Variants in CFH observed in about 807,000 individuals in gnomAD.
CFH encodes the protein complement factor H, also known as H factor 1 (complement).
Under a neutral mutation model 147.3 loss-of-function variants are expected in CFH, and 53 were observed. The observed-to-expected ratio is 0.36, with a 90% CI of 0.29 to 0.45. The LOEUF is 0.45. Among genes scored for constraint, CFH ranks in the 20% least tolerant of loss-of-function variants. CFH has a pLI of 1.00. For missense variants in CFH, 1,380 were observed against 1,498.0 expected, an observed-to-expected ratio of 0.92 and a Z score of 1.30; for synonymous variants, 536 against 489.4, an observed-to-expected ratio of 1.10 and a Z score of -1.26.
chr1:196,707,394 A>C (rs1668616883), intron 9 of CFH, among the ~76,000 whole-genome samples: 1 of 152,236 alleles, frequency 6.6e-6, no homozygotes. Context: ...TTTAGGTTGT[A>C]CTTTAACTAC....
rs1668752069 is a variant in CFH at position 196,712,729 on chromosome 1, T to A, written c.1337-1006T>A. Among the ~76,000 whole-genome samples the A allele has an allele frequency of 1.3e-5, 2 of 150,314 alleles. 1 individual carries two copies. The highest frequency in any genetic ancestry group is 1.3e-4 in the Admixed American group (2 of 15,084). The stretch of plus-strand genomic sequence containing the variant: ...GTGCTGCACCCATTAACTCGTCATT[T>A]AGCATTACGTATATCTCCTAATGCT... On this transcript the variant is annotated intron_variant, in intron 9 of 21. Coordinates refer to ENST00000367429, the MANE Select transcript of CFH (RefSeq NM_000186.4).
chr1:196,671,779 C>T (rs1440885380), intron 1 of CFH, among the ~76,000 whole-genome samples: 1 of 148,246 alleles, frequency 6.7e-6, no homozygotes, highest in Non-Finnish European at 1.5e-5. Flanking sequence ...ATAATAAAAG[C>T]CATTTATATA....
chr1:196,715,571 T>C (rs759740832), intron 10 of CFH, 22 bp from the exon 11 acceptor site: 3 of 1,575,128 alleles, frequency 1.9e-6, no homozygotes, highest in East Asian at 4.5e-5. Flanking sequence ...AGAAATGACA[T>C]TCTAAATTTT....
chr1:196,699,185 T>G (rs1400450216), intron 9 of CFH, among the ~76,000 whole-genome samples: 1 of 152,052 alleles, frequency 6.6e-6, no homozygotes, highest in Non-Finnish European at 1.5e-5. Flanking sequence ...TCAGTGTATG[T>G]GAGATCCAGT....
intron 9 of CFH, among the ~76,000 whole-genome samples, chr1:196,710,754 A>G (rs1668706535): frequency 6.7e-6 from 1 of 149,120 alleles, no homozygotes; most frequent in Admixed American, 6.8e-5. Context: ...CCTTTGATTT[A>G]GTAAGATCAT....
chr1:196,726,690 C>T, intron 13 of CFH, 38 bp downstream of exon 13: 15 of 1,606,902 alleles, frequency 9.3e-6, no homozygotes, highest in Non-Finnish European at 1.3e-5. Flanking sequence ...CTTGTCAAAA[C>T]TTTTGTATTT....
At chr1:196,673,286 A>G in intron 2 of CFH, 123 bp downstream of exon 2, 1 of 984,714 alleles carries the variant, frequency 1.0e-6, no homozygotes, top group African/African-American at 1.7e-5. Context: ...AATAATACAT[A>G]ATCTTTTTTT....
At chr1:196,653,156 C>G (rs1342731188) in intron 1 of CFH, among the ~76,000 whole-genome samples, 1 of 151,484 alleles carries the variant, frequency 6.6e-6, no homozygotes, top group Non-Finnish European at 1.5e-5. Context: ...AAAATAAAAG[C>G]AGATATATTC....
At chr1:196,676,555 G>T (rs1453278922) in intron 4 of CFH, among the ~76,000 whole-genome samples, 1 of 151,962 alleles carries the variant, frequency 6.6e-6, no homozygotes, top group Non-Finnish European at 1.5e-5. Flanking sequence ...ATTTCTCACT[G>T]GTCTGTAAAG....
In CFH at chr1:196,689,761, T is replaced by C. The variant is rs1246526238; in HGVS notation, c.1159+147T>C. 3.4e-6 allele frequency: 3 copies of C among 877,144 alleles called. No homozygotes were observed. In the Admixed American group the frequency reaches 7.6e-5, roughly 22 times the overall value. The allele number at this position is 877,144 out of a possible 1,614,324, so 54.3% of individuals were successfully genotyped here. ...CAAGCAAAGTGACCAAAATAGATCT[T>C]TTCTATTATGAGGGTTTCTTCTTGA... On this transcript the variant is annotated intron_variant, in intron 8 of 21. Coordinates refer to ENST00000367429, the MANE Select transcript of CFH (RefSeq NM_000186.4).
chr1:196,672,697 A>G (rs1667323576), intron 1 of CFH, among the ~76,000 whole-genome samples: 1 of 152,216 alleles, frequency 6.6e-6, no homozygotes, highest in Admixed American at 6.5e-5. Flanking sequence ...ATATAACAAA[A>G]TATATCTATT....
In CFH at chr1:196,690,090, A is replaced by G; in HGVS notation, c.1187A>G (p.Asn396Ser). The G allele has an allele frequency of 1.2e-6, 2 of 1,610,860 alleles. No individual in the cohort carries two copies. The highest frequency in any genetic ancestry group is 1.7e-6 in the Non-Finnish European group (2 of 1,177,564). The stretch of plus-strand genomic sequence containing the variant: ...AAATGTTATTTTCCTTATTTGGAAA[A>G]TGGATATAATCAAAATCATGGAAGA... Reference protein sequence around the residue: ...LRKCYFPYLENGYNQNHGRKF... With the variant: ...LRKCYFPYLESGYNQNHGRKF... Residue 396 changes from asparagine (N) to serine (S), a missense_variant, in exon 9 of 22, where the codon AAT becomes AGT. By Grantham distance (46) the Asn-to-Ser change is conservative. Coordinates refer to ENST00000367429, the MANE Select transcript of CFH (RefSeq NM_000186.4).
intron 9 of CFH, among the ~76,000 whole-genome samples, chr1:196,703,391 G>A (rs1451974242): frequency 1.3e-5 from 2 of 152,148 alleles, no homozygotes; most frequent in African/African-American, 4.8e-5. Flanking sequence ...CCAAATGCCT[G>A]GGATAGCTGG....
intron 6 of CFH, among the ~76,000 whole-genome samples, chr1:196,680,442 T>G (rs1439579543): frequency 6.6e-6 from 1 of 151,828 alleles, no homozygotes; most frequent in Non-Finnish European, 1.5e-5. Context: ...TTAACCTACT[T>G]CATTTTAAAC....
intron 11 of CFH, among the ~76,000 whole-genome samples, chr1:196,720,042 T>C (rs1668963298): frequency 6.6e-6 from 1 of 151,864 alleles, no homozygotes; most frequent in Non-Finnish European, 1.5e-5. Context: ...CACTAATAAA[T>C]CTTTGATGAG....
Position 196,738,818 on chromosome 1 carries a change from G to C in CFH, c.2782+1158G>C, listed in dbSNP as rs188306968. Among the ~76,000 whole-genome samples, 6 of 152,296 alleles carry C rather than the reference G, an allele frequency of 3.9e-5. No individual in the cohort carries two copies. In the East Asian group the frequency reaches 9.7e-4, roughly 25 times the overall value. On this transcript the variant is annotated intron_variant, in intron 17 of 21. Coordinates refer to ENST00000367429, the MANE Select transcript of CFH (RefSeq NM_000186.4). Reference sequence around the variant, plus strand: ...AGCTCCACAAGGCAGTGCCTCAGTGGGGACTCTATGTGAGGGCTCTGACCC... The same window carrying C: ...AGCTCCACAAGGCAGTGCCTCAGTGCGGACTCTATGTGAGGGCTCTGACCC...
intron 9 of CFH, among the ~76,000 whole-genome samples, chr1:196,696,471 G>A (rs148932408): frequency 5.3e-5 from 8 of 152,246 alleles, no homozygotes; most frequent in Non-Finnish European, 7.4e-5. Context: ...GTCTTTAGAG[G>A]AAAATTTATC....
chr1:196,738,855 T>C (rs1293408542), intron 17 of CFH, among the ~76,000 whole-genome samples: 1 of 152,190 alleles, frequency 6.6e-6, no homozygotes, highest in Admixed American at 6.5e-5. Context: ...ACATTTCCTT[T>C]CCTCAATGGC....
At chr1:196,724,241 C>T (rs960634544) in intron 11 of CFH, among the ~76,000 whole-genome samples, 2 of 151,872 alleles carry the variant, frequency 1.3e-5, no homozygotes, top group African/African-American at 4.8e-5. Flanking sequence ...CACATCCAAG[C>T]AGGTGACAGG....
Sources: gnomAD v4.1 joint callset for allele counts (sites outside exome capture counted in the v4.1 genomes callset) on GRCh38, gnomAD v4.1.1 for gene constraint, MANE v1.5 for transcripts, NCBI Gene and HGNC (gene_info 2026-07-23, HGNC 2026-07-21) for gene names.